Variants in LRMDA observed in about 807,000 individuals in gnomAD.
LRMDA encodes the protein leucine-rich melanocyte differentiation-associated protein.
In LRMDA, 18 loss-of-function variants were observed where a neutral mutation model predicts 29.8. That is an observed-to-expected ratio of 0.60 (90% confidence interval 0.42 to 0.90). The LOEUF (loss-of-function observed/expected upper bound fraction) is 0.90, where lower values mean the gene tolerates loss of function less well. Ranked by LOEUF, LRMDA falls within the 40% of genes least tolerant of loss-of-function variation. LRMDA has a pLI of 0.00. For synonymous variants in LRMDA, 125 were observed against 109.4 expected (o/e 1.14, Z -0.89); for missense variants, 273 against 273.9 (o/e 1.00, Z 0.02).
chr10:75,619,200 C>G (rs566678959), intron 2 of LRMDA, among the ~76,000 whole-genome samples: 1 of 152,192 alleles, frequency 6.6e-6, no homozygotes, highest in South Asian at 2.1e-4. Flanking sequence ...AAGAGGAGGT[C>G]TTGGTGTTTC....
intron 5 of LRMDA, among the ~76,000 whole-genome samples, chr10:76,158,369 G>A (rs1269968909): frequency 2.0e-5 from 3 of 152,034 alleles, no homozygotes; most frequent in African/African-American, 4.8e-5. Context: ...CTAATGGCAG[G>A]TGTAGACTTT....
chr10:76,406,918 T>C (rs1470186459), intron 6 of LRMDA, among the ~76,000 whole-genome samples: 9 of 152,216 alleles, frequency 5.9e-5, no homozygotes, highest in Admixed American at 5.9e-4. Context: ...GGAATAATTG[T>C]TCCAGATCTC....
intron 5 of LRMDA, among the ~76,000 whole-genome samples, chr10:76,096,840 G>A (rs920357036): frequency 4.6e-5 from 7 of 151,886 alleles, no homozygotes; most frequent in African/African-American, 1.2e-4. Flanking sequence ...CATAAATATT[G>A]TATGTGCTTT....
At chr10:75,866,695 C>A (rs1381327075) in intron 2 of LRMDA, among the ~76,000 whole-genome samples, 1 of 152,204 alleles carries the variant, frequency 6.6e-6, no homozygotes, top group Non-Finnish European at 1.5e-5. Flanking sequence ...TGACCTCACC[C>A]AGGAACGGCC....
At chr10:76,390,310 CTT>C (rs1185964989) in intron 6 of LRMDA, among the ~76,000 whole-genome samples, 1 of 151,980 alleles carries the variant, frequency 6.6e-6, no homozygotes, top group Non-Finnish European at 1.5e-5. Flanking sequence ...TAAGAATTGA[CTT>C]TTTAGAATGA....
intron 6 of LRMDA, among the ~76,000 whole-genome samples, chr10:76,548,834 C>A (rs1843453226): frequency 6.6e-6 from 1 of 152,128 alleles, no homozygotes. Flanking sequence ...TATTCCCTGC[C>A]AGATAATGTT....
rs113090199 is a variant in LRMDA at position 76,048,924 on chromosome 10, CT to C, written c.398+1630del. On this transcript the variant is annotated intron_variant, in intron 4 of 6. Transcript: ENST00000611255. ...TGGATATGAAAAAAGGGCTTGGCAC[CT>C]TTTTTTTTCTGGAGGTGGCTTGAAA... 9.2e-3 allele frequency among the ~76,000 whole-genome samples: 1,386 copies of C among 151,262 alleles called. 35 individuals are homozygous for C. The highest frequency in any genetic ancestry group is 0.081 in the East Asian group (419 of 5,154).
chr10:76,193,631 C>G (rs1264011617), intron 5 of LRMDA, among the ~76,000 whole-genome samples: 1 of 152,102 alleles, frequency 6.6e-6, no homozygotes, highest in Non-Finnish European at 1.5e-5. Context: ...TTTTTATGTA[C>G]TTCTAGTAGC....
chr10:76,003,394 C>T (rs1434456569), intron 2 of LRMDA, among the ~76,000 whole-genome samples: 1 of 152,180 alleles, frequency 6.6e-6, no homozygotes, highest in Non-Finnish European at 1.5e-5. Context: ...ATCCTCTCTC[C>T]CTTCCTTCTG....
intron 2 of LRMDA, among the ~76,000 whole-genome samples, chr10:76,028,715 A>G (rs1053532327): frequency 6.6e-6 from 1 of 151,882 alleles, no homozygotes; most frequent in Non-Finnish European, 1.5e-5. Context: ...CTTCAGGTAC[A>G]TTTTTGAAGC....
chr10:75,889,303 C>A (rs1202386985), intron 2 of LRMDA, among the ~76,000 whole-genome samples: 1 of 152,132 alleles, frequency 6.6e-6, no homozygotes, highest in Admixed American at 6.5e-5. Context: ...TTAGAACCAC[C>A]TTTAGGAACA....
At chr10:75,803,628 G>A (rs1843794923) in intron 2 of LRMDA, among the ~76,000 whole-genome samples, 1 of 152,230 alleles carries the variant, frequency 6.6e-6, no homozygotes, top group African/African-American at 2.4e-5. Flanking sequence ...GCATAGAACT[G>A]CAGTGAGGAT....
At chr10:76,097,851 T>C (rs1849338453) in intron 5 of LRMDA, among the ~76,000 whole-genome samples, 1 of 152,158 alleles carries the variant, frequency 6.6e-6, no homozygotes, top group Admixed American at 6.5e-5. Context: ...AATTTTAAAC[T>C]GATACTAATT....
chr10:75,574,264 G>A (rs957316514), intron 2 of LRMDA, among the ~76,000 whole-genome samples: 1 of 152,112 alleles, frequency 6.6e-6, no homozygotes, highest in African/African-American at 2.4e-5. Flanking sequence ...CACTTACTTG[G>A]TAATTTCTTT....
intron 6 of LRMDA, among the ~76,000 whole-genome samples, chr10:76,483,788 A>G (rs1366894256): frequency 1.3e-5 from 2 of 150,898 alleles, no homozygotes; most frequent in Non-Finnish European, 3.0e-5. Context: ...TTCCATATTT[A>G]GGTCTAGAGT....
chr10:76,454,414 T>G (rs1842436507), intron 6 of LRMDA, among the ~76,000 whole-genome samples: 1 of 152,138 alleles, frequency 6.6e-6, no homozygotes, highest in Admixed American at 6.5e-5. Context: ...CAGATTTTGG[T>G]CACTCCGAGG....
chr10:76,015,223 T>C (rs371871984), intron 2 of LRMDA, among the ~76,000 whole-genome samples: 2 of 152,166 alleles, frequency 1.3e-5, no homozygotes, highest in African/African-American at 4.8e-5. Context: ...ACAACAAACA[T>C]TATTTATCAC....
chr10:76,531,655 C>G, intron 6 of LRMDA, among the ~76,000 whole-genome samples: 1 of 152,050 alleles, frequency 6.6e-6, no homozygotes, highest in East Asian at 1.9e-4. Flanking sequence ...ATGATGTATT[C>G]TACTTTTTAT....
intron 5 of LRMDA, among the ~76,000 whole-genome samples, chr10:76,218,009 T>A (rs1333523988): frequency 3.9e-5 from 6 of 152,200 alleles, no homozygotes; most frequent in African/African-American, 1.4e-4. Context: ...TGCTGCCATC[T>A]TTGTGACCTT....
Sources: allele counts gnomAD v4.1 joint callset (sites outside exome capture counted in the v4.1 genomes callset), GRCh38; gene constraint gnomAD v4.1.1; transcripts MANE v1.5; gene names NCBI Gene and HGNC (gene_info 2026-07-23, HGNC 2026-07-21).